The following KCTD16 variants were observed in gnomAD, a reference collection of about 807,000 sequenced individuals.
The protein encoded by KCTD16 is BTB/POZ domain-containing protein KCTD16.
In KCTD16, 13 loss-of-function variants were observed where a neutral mutation model predicts 33.2. The observed-to-expected ratio is 0.39, with a 90% CI of 0.25 to 0.62. The LOEUF (loss-of-function observed/expected upper bound fraction) is 0.62, where lower values mean the gene tolerates loss of function less well. Among genes scored for constraint, KCTD16 ranks in the 20% least tolerant of loss-of-function variants. KCTD16 has a pLI of 0.50. For missense variants in KCTD16, 441 were observed against 525.1 expected (o/e 0.84, Z 1.57); for synonymous variants, 197 against 195.3 (o/e 1.01, Z -0.07).
intron 3 of KCTD16, among the ~76,000 whole-genome samples, chr5:144,389,251 TATTAGGA>T: frequency 6.6e-6 from 1 of 152,324 alleles, no homozygotes; most frequent in Admixed American, 6.5e-5. Flanking sequence ...GTTTGTGGCC[TATTAGGA>T]ACTGGGCCAC....
chr5:144,193,504 TCTC>T (rs753324682), intron 2 of KCTD16, among the ~76,000 whole-genome samples: 21 of 151,994 alleles, frequency 1.4e-4, no homozygotes, highest in Non-Finnish European at 2.8e-4. Flanking sequence ...TCAATCCTCT[TCTC>T]CTTGCCCCAA....
chr5:144,404,316 T>G (rs138847623), intron 3 of KCTD16, among the ~76,000 whole-genome samples: 30 of 152,258 alleles, frequency 2.0e-4, no homozygotes, highest in African/African-American at 7.0e-4. Flanking sequence ...TTAATAGTAT[T>G]AAACAAACAA....
At chr5:144,452,148 A>T (rs1212347996) in intron 3 of KCTD16, among the ~76,000 whole-genome samples, 3 of 144,936 alleles carry the variant, frequency 2.1e-5, no homozygotes, top group Non-Finnish European at 4.5e-5. Flanking sequence ...ATATAATATT[A>T]TATATATATA....
At chr5:144,336,103 G>C (rs985773838) in intron 3 of KCTD16, among the ~76,000 whole-genome samples, 1 of 152,194 alleles carries the variant, frequency 6.6e-6, no homozygotes, top group African/African-American at 2.4e-5. Context: ...CCCACTGACA[G>C]AAGCCAGGCA....
At chr5:144,286,795 A>G (rs1755757750) in intron 3 of KCTD16, among the ~76,000 whole-genome samples, 1 of 152,196 alleles carries the variant, frequency 6.6e-6, no homozygotes, top group Non-Finnish European at 1.5e-5. Context: ...TATCATGGTA[A>G]GTTACTTAGC....
chr5:144,339,083 T>A (rs1252212320), intron 3 of KCTD16, among the ~76,000 whole-genome samples: 1 of 152,196 alleles, frequency 6.6e-6, no homozygotes, highest in African/African-American at 2.4e-5. Flanking sequence ...CTACCTAGAT[T>A]AGCATCACGT....
chr5:144,350,680 A>G (rs1400310568), intron 3 of KCTD16, among the ~76,000 whole-genome samples: 1 of 152,188 alleles, frequency 6.6e-6, no homozygotes, highest in East Asian at 1.9e-4. Flanking sequence ...GCATGTCCAG[A>G]AAAGAAAACT....
chr5:144,467,717 T>C (rs2126998251), intron 3 of KCTD16, among the ~76,000 whole-genome samples: 1 of 151,806 alleles, frequency 6.6e-6, no homozygotes, highest in Admixed American at 6.5e-5. Flanking sequence ...TGTTTGTTTG[T>C]TTTAATTTTC....
At chr5:144,261,921 C>T (rs12717912) in intron 3 of KCTD16, among the ~76,000 whole-genome samples, 33,344 of 152,066 alleles carry the variant, frequency 0.22, 4,047 homozygotes, top group Non-Finnish European at 0.28. Context: ...TAAATAAGTA[C>T]TTCACATACT....
chr5:144,356,150 G>T (rs1003270269), intron 3 of KCTD16, among the ~76,000 whole-genome samples: 4 of 152,122 alleles, frequency 2.6e-5, no homozygotes, highest in Non-Finnish European at 1.5e-5. Flanking sequence ...TAGAAGCTAC[G>T]ACGGTCTCAC....
intron 3 of KCTD16, among the ~76,000 whole-genome samples, chr5:144,273,142 A>C (rs1187161217): frequency 6.6e-6 from 1 of 152,162 alleles, no homozygotes; most frequent in Non-Finnish European, 1.5e-5. Flanking sequence ...TAAACAACCC[A>C]ATTTAAAAAT....
chr5:144,248,895 A>T (rs1327119135), intron 3 of KCTD16, among the ~76,000 whole-genome samples: 2 of 152,150 alleles, frequency 1.3e-5, no homozygotes, highest in African/African-American at 2.4e-5. Flanking sequence ...AATCTTTCAA[A>T]GGTAAATATT....
intron 3 of KCTD16, among the ~76,000 whole-genome samples, chr5:144,386,930 A>G (rs1752336234): frequency 6.6e-6 from 1 of 152,128 alleles, no homozygotes; most frequent in Admixed American, 6.5e-5. Flanking sequence ...AGGCTCACCC[A>G]ACTAAAATAG....
chr5:144,179,307 C>T (rs563938197), intron 2 of KCTD16, among the ~76,000 whole-genome samples: 22 of 152,226 alleles, frequency 1.4e-4, no homozygotes, highest in African/African-American at 5.3e-4. Flanking sequence ...GTGGTTTTGC[C>T]TTCTTATGAG....
At chr5:144,471,388 A>G (rs1007560065) in intron 3 of KCTD16, among the ~76,000 whole-genome samples, 1 of 152,320 alleles carries the variant, frequency 6.6e-6, no homozygotes, top group South Asian at 2.1e-4. Context: ...TAATAGGTGT[A>G]TCCCAGCATA....
At chr5:144,469,226 T>C (rs1198779376) in intron 3 of KCTD16, among the ~76,000 whole-genome samples, 1 of 152,226 alleles carries the variant, frequency 6.6e-6, no homozygotes, top group East Asian at 1.9e-4. Flanking sequence ...TTTTAAGCAC[T>C]GCACTATAAA....
At chr5:144,213,010 A>G (rs1193421566) in intron 3 of KCTD16, among the ~76,000 whole-genome samples, 1 of 152,126 alleles carries the variant, frequency 6.6e-6, no homozygotes, top group Non-Finnish European at 1.5e-5. Flanking sequence ...TATGGTATAT[A>G]TTTCTAAAAT....
At chr5:144,236,231 C>A in intron 3 of KCTD16, among the ~76,000 whole-genome samples, 1 of 152,072 alleles carries the variant, frequency 6.6e-6, no homozygotes, top group African/African-American at 2.4e-5. Flanking sequence ...AATTAAAATG[C>A]AGAGGGAGAA....
At chr5:144,278,400 G>A (rs755822642) in intron 3 of KCTD16, among the ~76,000 whole-genome samples, 51 of 150,238 alleles carry the variant, frequency 3.4e-4, no homozygotes, top group Non-Finnish European at 6.5e-4. Flanking sequence ...GTTTACTGTC[G>A]TGTTAAAGTG....
Sources: allele counts gnomAD v4.1 joint callset (sites outside exome capture counted in the v4.1 genomes callset), GRCh38; gene constraint gnomAD v4.1.1; transcripts MANE v1.5; gene names NCBI Gene and HGNC (gene_info 2026-07-23, HGNC 2026-07-21).